The following EPAS1 variants were observed in gnomAD, a reference collection of about 807,000 sequenced individuals.
EPAS1 encodes endothelial PAS domain protein 1, also known as endothelial PAS domain-containing protein 1.
In EPAS1, 23 loss-of-function variants were observed where a neutral mutation model predicts 87.9. The ratio of observed to expected loss-of-function variants is 0.26; its 90% CI spans 0.19 to 0.37. EPAS1 has a LOEUF of 0.37. Ranked by LOEUF, EPAS1 falls within the 10% of genes least tolerant of loss-of-function variation. EPAS1 has a pLI of 1.00. For synonymous variants in EPAS1, 508 were observed against 444.3 expected (o/e 1.14, Z -1.80); for missense variants, 1,138 against 1,120.7 (o/e 1.02, Z -0.22).
chr2:46,378,433 A>AG (rs1280693017), intron 10 of EPAS1, among the ~76,000 whole-genome samples: 1 of 152,224 alleles, frequency 6.6e-6, no homozygotes, highest in Non-Finnish European at 1.5e-5. Flanking sequence ...CAACCTGTGA[A>AG]GCGACAGTAG....
Position 46,375,562 on chromosome 2 carries a change from C to A in EPAS1, c.887-128C>A. The A allele has an allele frequency of 2.6e-6, 3 of 1,166,974 alleles. No individual in the cohort carries two copies. The highest frequency in any genetic ancestry group is 3.7e-6 in the Non-Finnish European group (3 of 803,522). 72.3% of individuals were successfully genotyped at this position (1,166,974 alleles called of 1,614,324 possible). A position where few individuals can be genotyped will look rare whatever the true frequency, so the allele number is the denominator to read the frequency against. On this transcript the variant is annotated intron_variant, in intron 7 of 15. Coordinates refer to ENST00000263734, the MANE Select transcript of EPAS1 (RefSeq NM_001430.5). This position sits in a 1 kb window ranked among gnomAD's most constrained non-coding sequence, Gnocchi z 4.1. ...CTCCCAGGTCACTCTCCCTGGTCCT[C>A]ACTGTCGTGGCGCCCTGTTCTGTCT... is the stretch of plus-strand genomic sequence containing the variant.
At chr2:46,313,874 G>C (rs1259489212) in intron 1 of EPAS1, among the ~76,000 whole-genome samples, 1 of 152,224 alleles carries the variant, frequency 6.6e-6, no homozygotes, top group Non-Finnish European at 1.5e-5. Flanking sequence ...TTGGGGCAGT[G>C]CCTACACACA....
At position 46,380,325 on chromosome 2, in the gene EPAS1, C is replaced by G. The variant is rs374241054; in HGVS notation, c.1653C>G (p.Leu551=). 5 of 1,614,036 alleles carry G rather than the reference C, an allele frequency of 3.1e-6. No individual in the cohort carries two copies. Among genetic ancestry groups the G allele is most frequent in the South Asian group, 2.2e-5 (2 of 91,094 alleles). Residue 551 remains leucine, a synonymous_variant, in exon 12 of 16, where the codon CTC becomes CTG. Transcript: ENST00000263734. The surrounding 1 kb of genome is among the most constrained non-coding windows in gnomAD (Gnocchi z 4.4). ...QLSPICPEER[L]LAENPQSTPQ... The stretch of plus-strand genomic sequence containing the variant: ...GCCCCATCTGCCCCGAGGAGCGGCT[C>G]TTGGCGGAGAACCCACAGTCCACCC...
rs372448985 is a variant in EPAS1, at chr2:46,317,329, C to A, written c.26+19392C>A. On this transcript the variant is annotated intron_variant, in intron 1 of 15. Coordinates refer to ENST00000263734, the MANE Select transcript of EPAS1 (RefSeq NM_001430.5). ...ACTATCTATGGCAGCTATAGCCTTA[C>A]AAAATTTCTTGAATAAGACTTGGAA... 2.6e-4 allele frequency among the ~76,000 whole-genome samples: 39 copies of A among 152,266 alleles called. 1 individual carries two copies. The highest frequency in any genetic ancestry group is 9.4e-4 in the African/African-American group (39 of 41,554).
intron 7 of EPAS1, among the ~76,000 whole-genome samples, chr2:46,370,982 G>A (rs145131428): frequency 6.6e-5 from 10 of 152,256 alleles, no homozygotes; most frequent in African/African-American, 2.2e-4. Flanking sequence ...GGGAACAAGG[G>A]GCTCATATCT....
chr2:46,336,446 A>C (rs1683795934), intron 1 of EPAS1, among the ~76,000 whole-genome samples: 1 of 152,156 alleles, frequency 6.6e-6, no homozygotes, highest in Admixed American at 6.5e-5. Flanking sequence ...TGCTGGAAGA[A>C]GTAGGGCTTG....
rs763765680 is a variant in EPAS1 at position 46,384,668 on chromosome 2, C to T, written c.*8C>T. The T allele has an allele frequency of 1.9e-5, 30 of 1,613,194 alleles. No homozygotes were observed. The Admixed American group carries it at 3.0e-4, about 16-fold the overall frequency. On this transcript the variant is annotated 3_prime_UTR_variant, in exon 16 of 16. Coordinates refer to ENST00000263734, the MANE Select transcript of EPAS1 (RefSeq NM_001430.5). Reference sequence around the variant, plus strand: ...CTGGACCAGGCCACCTGAGCCAGGCCTTCTACCTGGGCAGCACCTCTGCCG... The same window carrying T: ...CTGGACCAGGCCACCTGAGCCAGGCTTTCTACCTGGGCAGCACCTCTGCCG...
At chr2:46,315,820 G>C (rs1403181666) in intron 1 of EPAS1, among the ~76,000 whole-genome samples, 3 of 152,218 alleles carry the variant, frequency 2.0e-5, no homozygotes, top group African/African-American at 7.2e-5. Flanking sequence ...AAATTCTTTG[G>C]AAGATTATAG....
intron 2 of EPAS1, among the ~76,000 whole-genome samples, chr2:46,350,831 T>C (rs376943004): frequency 4.6e-5 from 7 of 152,256 alleles, no homozygotes; most frequent in Admixed American, 3.9e-4. Context: ...GAAGTGTCAG[T>C]TGCATTATGG....
rs780349023 is a variant in EPAS1 at position 46,360,898 on chromosome 2, C to T, written c.587C>T (p.Thr196Met). 86 of 1,614,054 alleles carry T rather than the reference C, an allele frequency of 5.3e-5. No homozygotes were observed. Among genetic ancestry groups the T allele is most frequent in the Admixed American group, 1.3e-4 (8 of 60,014 alleles). Residue 196 changes from threonine to methionine, a missense_variant, in exon 6 of 16, where the codon ACG becomes ATG. By Grantham distance (81) the Thr-to-Met change is moderately conservative. Around this residue, in one of 4 missense-constraint regions of EPAS1, gnomAD observed 351 missense variants for 417.1 expected, o/e 0.84. Transcript: ENST00000263734. This position sits in a 1 kb window ranked among gnomAD's most constrained non-coding sequence, Gnocchi z 4.5. ...KSATWKVLHC[T>M]GQVKVYNNCP... ...CGCCTGTCTCAGGTCTTGCACTGCA[C>T]GGGCCAGGTGAAAGTCTACAACAAC...
chr2:46,365,345 T>G (rs1248342470), intron 6 of EPAS1, among the ~76,000 whole-genome samples: 1 of 152,202 alleles, frequency 6.6e-6, no homozygotes, highest in Non-Finnish European at 1.5e-5. Flanking sequence ...GTCATTGCAT[T>G]TAGGGAACAT....
At chr2:46,354,050 A>C (rs1572634626) in intron 2 of EPAS1, among the ~76,000 whole-genome samples, 1 of 152,336 alleles carries the variant, frequency 6.6e-6, no homozygotes, top group East Asian at 1.9e-4. Flanking sequence ...GCCTTCACTG[A>C]AGCCTCTTGG....
At chr2:46,336,149 T>G (rs540834726) in intron 1 of EPAS1, among the ~76,000 whole-genome samples, 2 of 152,316 alleles carry the variant, frequency 1.3e-5, no homozygotes, top group African/African-American at 4.8e-5. Context: ...GATCACTTTT[T>G]CTTTCCTCCT....
intron 7 of EPAS1, among the ~76,000 whole-genome samples, chr2:46,370,799 T>TA (rs746113902): frequency 4.6e-5 from 7 of 152,234 alleles, no homozygotes; most frequent in Admixed American, 2.0e-4. Context: ...TCAGGCTTCC[T>TA]ATAGGCAGGT....
chr2:46,320,674 A>G (rs1683437928), intron 1 of EPAS1, among the ~76,000 whole-genome samples: 1 of 152,182 alleles, frequency 6.6e-6, no homozygotes, highest in Non-Finnish European at 1.5e-5. Context: ...TGGCAGATGA[A>G]AGTAAATTAA....
chr2:46,369,272 G>T (rs1235503499), intron 6 of EPAS1, among the ~76,000 whole-genome samples: 5 of 152,166 alleles, frequency 3.3e-5, no homozygotes, highest in African/African-American at 1.2e-4. Context: ...GACGGGTTCT[G>T]CCTGCCTGGA....
In EPAS1 at chr2:46,377,915, C is replaced by T; in HGVS notation, c.1271C>T (p.Ser424Phe). 6.4e-7 allele frequency: 1 copy of T among 1,553,410 alleles called. No homozygotes were observed. Among genetic ancestry groups the T allele is most frequent in the Non-Finnish European group, 8.7e-7 (1 of 1,147,870 alleles). ...ACAGGGAATCAGAACTTCGAGGAGT[C>T]CTCAGCCTATGGCAAGGCCATCCTG... The part of the protein sequence containing the change: ...LDFGNQNFEE[S>F]SAYGKAILPP... Residue 424 changes from serine (S) to phenylalanine (F), a missense_variant, in exon 10 of 16, where the codon TCC becomes TTC. Ser to Phe is a radical substitution (Grantham distance 155). Transcript: ENST00000263734.
At position 46,385,408 on chromosome 2, in the gene EPAS1, A is replaced by AT. The variant is rs1158828815; in HGVS notation, c.*749dup. 6.6e-6 allele frequency: 1 copy of AT among 152,480 alleles called. No individual in the cohort carries two copies. The highest frequency in any genetic ancestry group is 2.4e-5 in the African/African-American group (1 of 41,452). The allele number at this position is 152,480 out of a possible 1,614,324, so 9.4% of individuals were successfully genotyped here. On this transcript the variant is annotated 3_prime_UTR_variant, in exon 16 of 16. Transcript: ENST00000263734. Reference sequence around the variant, plus strand: ...AAATTTATATCTGGGTTAAGTGTTTATCATATATATGGGTACTTTGTAATA... The same window carrying AT: ...AAATTTATATCTGGGTTAAGTGTTTATTCATATATATGGGTACTTTGTAATA...
chr2:46,318,654 G>A lies in EPAS1; in HGVS notation c.26+20717G>A, dbSNP rs548180034. ...TACCCTAACCTCTTCTTTCCCGTAAGCTCTGTGGTTTTTAGTTTTGCATAG... is the reference window on the plus strand; with the variant it reads ...TACCCTAACCTCTTCTTTCCCGTAAACTCTGTGGTTTTTAGTTTTGCATAG... On this transcript the variant is annotated intron_variant, in intron 1 of 15. Transcript: ENST00000263734. 1.4e-3 allele frequency among the ~76,000 whole-genome samples: 219 copies of A among 152,254 alleles called. 1 individual carries two copies. Among genetic ancestry groups the A allele is most frequent in the African/African-American group, 5.1e-3 (211 of 41,542 alleles).
Sources: gnomAD v4.1 joint callset for allele counts (sites outside exome capture counted in the v4.1 genomes callset) on GRCh38, gnomAD v4.1.1 for gene constraint, gnomAD v4.1.1 regional missense constraint, Gnocchi (gnomAD v3.1) non-coding constraint, MANE v1.5 for transcripts, NCBI Gene and HGNC (gene_info 2026-07-23, HGNC 2026-07-21) for gene names.